The following UBE3D variants were observed in gnomAD, a reference collection of about 807,000 sequenced individuals.
The protein encoded by UBE3D is E3 ubiquitin-protein ligase E3D.
A neutral mutation model predicts 49.6 loss-of-function variants in UBE3D; 48 were observed. That is an observed-to-expected ratio of 0.97 (90% CI 0.77 to 1.23). UBE3D has a LOEUF of 1.23. Among genes scored for constraint, UBE3D ranks in the 50% most tolerant of loss-of-function variants. The pLI, the probability that UBE3D is intolerant of heterozygous loss-of-function variation, is 0.00. For missense variants in UBE3D, 452 were observed against 468.4 expected (o/e 0.96, Z 0.32); for synonymous variants, 189 against 174.2 (o/e 1.08, Z -0.67).
chr6:83,016,161 T>C (rs1253876307), intron 8 of UBE3D, among the ~76,000 whole-genome samples: 1 of 152,162 alleles, frequency 6.6e-6, no homozygotes, highest in Non-Finnish European at 1.5e-5. Context: ...CTCAAGGCCA[T>C]CTTAGCAGAT....
At chr6:83,004,082 C>G (rs1304351361) in intron 8 of UBE3D, among the ~76,000 whole-genome samples, 1 of 152,064 alleles carries the variant, frequency 6.6e-6, no homozygotes, top group African/African-American at 2.4e-5. Flanking sequence ...TAAAGAAAAC[C>G]ACATTTGTAC....
At chr6:82,946,310 G>A (rs985036750) in intron 9 of UBE3D, among the ~76,000 whole-genome samples, 7 of 151,958 alleles carry the variant, frequency 4.6e-5, no homozygotes, top group Admixed American at 2.0e-4. Flanking sequence ...CCTAGCAGCA[G>A]ACTTTTCAGT....
intron 9 of UBE3D, among the ~76,000 whole-genome samples, chr6:82,949,157 C>A (rs1775610370): frequency 6.6e-6 from 1 of 151,928 alleles, no homozygotes; most frequent in African/African-American, 2.4e-5. Context: ...AATTGATAAA[C>A]AAATTCAGTA....
At chr6:83,041,060 T>G (rs1782636939) in intron 4 of UBE3D, among the ~76,000 whole-genome samples, 1 of 152,236 alleles carries the variant, frequency 6.6e-6, no homozygotes, top group African/African-American at 2.4e-5. Context: ...AGAGTACTAT[T>G]TTATACAAGT....
At chr6:83,019,198 C>T (rs1480592549) in intron 7 of UBE3D, 62 bp from the exon 8 acceptor site, 2 of 1,445,942 alleles carry the variant, frequency 1.4e-6, no homozygotes, top group East Asian at 4.9e-5. Flanking sequence ...TATCTTATGA[C>T]TTTTCAAAAA....
chr6:82,954,116 A>G (rs1775994622), intron 9 of UBE3D, among the ~76,000 whole-genome samples: 1 of 152,190 alleles, frequency 6.6e-6, no homozygotes, highest in Non-Finnish European at 1.5e-5. Context: ...CCCCGGCCTT[A>G]TTGGCCAAGA....
At chr6:82,948,088 G>GC (rs963573403) in intron 9 of UBE3D, among the ~76,000 whole-genome samples, 12 of 151,892 alleles carry the variant, frequency 7.9e-5, no homozygotes, top group African/African-American at 2.6e-4. Flanking sequence ...CAAAATGTTG[G>GC]TTTTTTTGAA....
At chr6:83,027,113 A>G (rs1217218956) in intron 5 of UBE3D, among the ~76,000 whole-genome samples, 1 of 151,926 alleles carries the variant, frequency 6.6e-6, no homozygotes, top group African/African-American at 2.4e-5. Context: ...ATTTTCTTCT[A>G]CCTGAGTACA....
intron 9 of UBE3D, among the ~76,000 whole-genome samples, chr6:82,936,488 ATACAGGTTTT>A (rs1442330991): frequency 6.6e-6 from 1 of 152,114 alleles, no homozygotes; most frequent in Non-Finnish European, 1.5e-5. Context: ...CTATGGACAC[ATACAGGTTTT>A]GTTTTTTTTT....
intron 9 of UBE3D, among the ~76,000 whole-genome samples, chr6:82,955,098 A>G (rs1375760089): frequency 1.3e-5 from 2 of 152,224 alleles, no homozygotes; most frequent in Non-Finnish European, 2.9e-5. Context: ...AGGTGCTAAG[A>G]CCACACTAAT....
chr6:83,027,424 G>A (rs1781544357), intron 5 of UBE3D, among the ~76,000 whole-genome samples: 1 of 17,532 alleles, frequency 5.7e-5, no homozygotes, highest in African/African-American at 1.4e-4. Context: ...GACAGAGCGA[G>A]ACTCCGTCTC....
chr6:82,901,702 G>A (rs1180613938), intron 9 of UBE3D, among the ~76,000 whole-genome samples: 1 of 152,098 alleles, frequency 6.6e-6, no homozygotes, highest in Non-Finnish European at 1.5e-5. Context: ...AAACTCAAAG[G>A]TGCTGATTTG....
chr6:82,884,872 T>G, the UBE3D span, among the ~76,000 whole-genome samples: 1 of 152,200 alleles, frequency 6.6e-6, no homozygotes, highest in Admixed American at 6.5e-5. Context: ...TTCCCGGTAC[T>G]TTTGGAAATT....
chr6:82,997,594 C>T (rs909558482), intron 8 of UBE3D, among the ~76,000 whole-genome samples: 2 of 152,064 alleles, frequency 1.3e-5, no homozygotes, highest in Non-Finnish European at 1.5e-5. Context: ...TGGCGGGTGC[C>T]TGTAGTCCCA....
At chr6:83,013,618 A>T (rs1780497050) in intron 8 of UBE3D, among the ~76,000 whole-genome samples, 1 of 152,224 alleles carries the variant, frequency 6.6e-6, no homozygotes, top group Non-Finnish European at 1.5e-5. Context: ...TACTAGGCCT[A>T]CCAGGCGTTG....
At chr6:82,956,487 T>C (rs1224923953) in intron 9 of UBE3D, among the ~76,000 whole-genome samples, 1 of 152,066 alleles carries the variant, frequency 6.6e-6, no homozygotes, top group Non-Finnish European at 1.5e-5. Context: ...CAAATAAATA[T>C]CAAGGGCAGT....
At position 83,060,654 on chromosome 6, in the gene UBE3D, GT is replaced by G. The variant is rs555791156; in HGVS notation, c.78-2633del. 2.6e-3 allele frequency among the ~76,000 whole-genome samples: 389 copies of G among 152,166 alleles called. 2 individuals carry two copies. The highest frequency in any genetic ancestry group is 8.9e-3 in the African/African-American group (368 of 41,506). On this transcript the variant is annotated intron_variant, in intron 1 of 9. Coordinates refer to ENST00000369747, the MANE Select transcript of UBE3D (RefSeq NM_198920.3). ...ACGAAATGAACAAACCAGAAACAAA[GT>G]TCCTCAGTAAAATGACTACATCCAG...
chr6:82,994,728 G>T (rs995697036), intron 8 of UBE3D, among the ~76,000 whole-genome samples: 7 of 152,168 alleles, frequency 4.6e-5, no homozygotes. Flanking sequence ...GGTTGGATGT[G>T]GGGGAAGTTG....
rs919766426 is a variant in UBE3D, at chr6:82,944,014, T to C, written c.1149+13298A>G. Among the ~76,000 whole-genome samples the C allele has an allele frequency of 2.6e-5, 4 of 152,020 alleles. No homozygotes were observed. In the South Asian group the frequency reaches 6.2e-4, roughly 24 times the overall value. On this transcript the variant is annotated intron_variant, in intron 9 of 9. Coordinates refer to ENST00000369747, the MANE Select transcript of UBE3D (RefSeq NM_198920.3). ...GCTTTGTTACTGTGGGCTGAAGTGCTCTGGGGCCATAAAAAAACTTGAAAC... is the reference window on the plus strand; with the variant it reads ...GCTTTGTTACTGTGGGCTGAAGTGCCCTGGGGCCATAAAAAAACTTGAAAC...
Sources: gnomAD v4.1 joint callset for allele counts (sites outside exome capture counted in the v4.1 genomes callset) on GRCh38, gnomAD v4.1.1 for gene constraint, MANE v1.5 for transcripts, NCBI Gene and HGNC (gene_info 2026-07-23, HGNC 2026-07-21) for gene names.